KALRN: variants seen among roughly 807,000 people sequenced by gnomAD.
KALRN encodes kalirin.
A neutral mutation model predicts 353.7 loss-of-function variants in KALRN; 70 were observed. That is an observed-to-expected ratio of 0.20 (90% CI 0.16 to 0.24). The LOEUF is 0.24. Ranked by LOEUF, KALRN falls within the 10% of genes least tolerant of loss-of-function variation. The probability of loss-of-function intolerance (pLI) is 1.00; values close to 1 mark genes in which losing one functional copy is unlikely to be tolerated. For synonymous variants in KALRN, 1,391 were observed against 1,434.8 expected (o/e 0.97, Z 0.69); for missense variants, 2,791 against 3,756.7 (o/e 0.74, Z 6.72).
chr3:124,583,851 C>T (rs1473862445), intron 34 of KALRN, among the ~76,000 whole-genome samples: 2 of 152,080 alleles, frequency 1.3e-5, no homozygotes, highest in Admixed American at 1.3e-4. Flanking sequence ...TGGGAGACAT[C>T]CATAGATATT....
chr3:124,299,630 A>T (rs1004645307), intron 6 of KALRN, among the ~76,000 whole-genome samples: 1 of 152,178 alleles, frequency 6.6e-6, no homozygotes, highest in Non-Finnish European at 1.5e-5. Flanking sequence ...CCTTATGTAT[A>T]AAATGGAAAT....
intron 57 of KALRN, among the ~76,000 whole-genome samples, chr3:124,705,284 A>G (rs188809775): frequency 2.6e-5 from 4 of 152,212 alleles, no homozygotes. Context: ...GGTTTATTTT[A>G]TTTTATTTTA....
chr3:124,631,940 C>T (rs1251934398), intron 34 of KALRN, among the ~76,000 whole-genome samples: 6 of 152,214 alleles, frequency 3.9e-5, no homozygotes, highest in Admixed American at 6.5e-5. Flanking sequence ...GAAGGCCCTT[C>T]GCCAGATGGC....
intron 17 of KALRN, among the ~76,000 whole-genome samples, chr3:124,437,842 T>C (rs1303775391): frequency 1.3e-5 from 2 of 152,130 alleles, no homozygotes; most frequent in Admixed American, 1.3e-4. Context: ...CAAAGTCTAC[T>C]GAAGGAAATC....
At chr3:124,669,385 T>C (rs1290788327) in intron 47 of KALRN, among the ~76,000 whole-genome samples, 1 of 152,228 alleles carries the variant, frequency 6.6e-6, no homozygotes, top group Non-Finnish European at 1.5e-5. Context: ...ACAGTTTTCT[T>C]GATTCTGAGA....
rs142370141 is a variant in KALRN at position 124,326,095 on chromosome 3, A to G, written c.1208A>G (p.Lys403Arg). ...TCCACCCAGCTGGACCAGGAGTGGA[A>G]GAGCTTCGCTGCTGCCCTGGATGAA... The part of the protein sequence containing the change: ...QISTQLDQEW[K>R]SFAAALDERS... The change falls in exon 7 of 60, where the codon AAG becomes AGG. Residue 403 changes from lysine to arginine, a missense_variant. Lys to Arg is a conservative substitution (Grantham distance 26, BLOSUM62 2). This residue lies in a region of KALRN where 366 missense variants were observed against 489.2 expected (regional missense o/e 0.75). Coordinates refer to ENST00000682506, the MANE Select transcript of KALRN (RefSeq NM_001388419.1). The G allele has an allele frequency of 1.8e-5, 29 of 1,613,850 alleles. No homozygotes were observed. Among genetic ancestry groups the G allele is most frequent in the Non-Finnish European group, 2.4e-5 (28 of 1,179,916 alleles).
intron 51 of KALRN, among the ~76,000 whole-genome samples, chr3:124,691,035 G>T (rs2061785511): frequency 6.6e-6 from 1 of 152,224 alleles, no homozygotes; most frequent in Non-Finnish European, 1.5e-5. Context: ...TTGGGCTAGG[G>T]CCCTGAGGTA....
At chr3:124,294,362 T>C (rs900599262) in intron 5 of KALRN, among the ~76,000 whole-genome samples, 2 of 152,040 alleles carry the variant, frequency 1.3e-5, no homozygotes, top group African/African-American at 4.8e-5. Flanking sequence ...CCCTGGACTT[T>C]ACTTCCCTGA....
At chr3:124,452,708 C>T (rs1240589448) in intron 21 of KALRN, among the ~76,000 whole-genome samples, 1 of 152,200 alleles carries the variant, frequency 6.6e-6, no homozygotes, top group African/African-American at 2.4e-5. Context: ...CTTCCCTCTA[C>T]CTACTTCCTA....
intron 48 of KALRN, 66 bp from the exon 49 acceptor site, chr3:124,674,298 G>T: frequency 6.5e-7 from 1 of 1,541,704 alleles, no homozygotes; most frequent in East Asian, 2.3e-5. Context: ...TGGGTAGGGT[G>T]CAGAGCAAGC....
chr3:124,166,025 C>T (rs1339454691), intron 1 of KALRN, among the ~76,000 whole-genome samples: 1 of 152,072 alleles, frequency 6.6e-6, no homozygotes, highest in Non-Finnish European at 1.5e-5. Flanking sequence ...TGTCTTCTTC[C>T]CCCGCTCATC....
chr3:124,539,233 G>A (rs332408), intron 33 of KALRN, among the ~76,000 whole-genome samples: 79,917 of 152,016 alleles, frequency 0.53, 22,119 homozygotes, highest in African/African-American at 0.69. Context: ...TTACCACCCT[G>A]TTTCAGGGAT....
Position 124,329,844 on chromosome 3 carries a change from C to G in KALRN, c.1285-17C>G. 1 of 1,610,906 alleles carries G rather than the reference C, an allele frequency of 6.2e-7. No homozygotes were observed. The highest frequency in any genetic ancestry group is 8.5e-7 in the Non-Finnish European group (1 of 1,178,316). On this transcript the variant is annotated splice_polypyrimidine_tract_variant and intron_variant, in intron 7 of 59. Transcript: ENST00000682506. ...CCCCAGTGCTCCCCCACTGATCCAC[C>G]CTGCATCTCCTTCCAGTTCCTGTCG...
intron 25 of KALRN, among the ~76,000 whole-genome samples, chr3:124,463,749 A>AT (rs2060069286): frequency 6.6e-6 from 1 of 152,164 alleles, no homozygotes. Flanking sequence ...CCTGGGCTGT[A>AT]ATAGGTCCAG....
chr3:124,291,352 A>G (rs2076405224), intron 5 of KALRN, among the ~76,000 whole-genome samples: 2 of 152,168 alleles, frequency 1.3e-5, no homozygotes, highest in African/African-American at 4.8e-5. Context: ...GTTCCTCCCA[A>G]TCAAGATGAA....
chr3:124,249,579 A>T (rs140986581), intron 3 of KALRN, among the ~76,000 whole-genome samples: 1 of 152,120 alleles, frequency 6.6e-6, no homozygotes, highest in African/African-American at 2.4e-5. Flanking sequence ...TCATACATAC[A>T]CTGCCCCCTA....
At chr3:124,060,564 G>A (rs931732759) in intron 1 of KALRN, among the ~76,000 whole-genome samples, 4 of 152,166 alleles carry the variant, frequency 2.6e-5, no homozygotes, top group South Asian at 4.1e-4. Flanking sequence ...CTGGGTTCCC[G>A]CTTCCCCCAG....
At chr3:124,398,981 T>G (rs1426787391) in intron 13 of KALRN, 110 bp downstream of exon 13, 2 of 1,166,692 alleles carry the variant, frequency 1.7e-6, no homozygotes, top group African/African-American at 3.1e-5. Flanking sequence ...GCATCCAGCA[T>G]GCATTTTTAG....
At chr3:124,553,718 G>A (rs1250925916) in intron 33 of KALRN, among the ~76,000 whole-genome samples, 1 of 152,226 alleles carries the variant, frequency 6.6e-6, no homozygotes, top group Non-Finnish European at 1.5e-5. Flanking sequence ...GCCTTCCTGT[G>A]CAAGCACAAT....
Sources: allele counts gnomAD v4.1 joint callset (sites outside exome capture counted in the v4.1 genomes callset), GRCh38; gene constraint gnomAD v4.1.1; regional missense constraint gnomAD v4.1.1; transcripts MANE v1.5; gene names NCBI Gene and HGNC (gene_info 2026-07-23, HGNC 2026-07-21).